Variants in RAB27B observed in about 807,000 individuals in gnomAD.
RAB27B encodes the protein ras-related protein Rab-27B.
A neutral mutation model predicts 24.6 loss-of-function variants in RAB27B; 15 were observed. That is an observed-to-expected ratio of 0.61 (90% CI 0.41 to 0.94). The LOEUF is 0.94. Ranked by LOEUF, RAB27B falls within the 40% of genes least tolerant of loss-of-function variation. The pLI, the probability that RAB27B is intolerant of heterozygous loss-of-function variation, is 0.00. For missense variants in RAB27B, 261 were observed against 266.8 expected, an observed-to-expected ratio of 0.98 and a Z score of 0.15; for synonymous variants, 105 against 92.5, an observed-to-expected ratio of 1.14 and a Z score of -0.78.
At chr18:54,741,435 G>A (rs1473379108) in intron 2 of RAB27B, among the ~76,000 whole-genome samples, 1 of 152,150 alleles carries the variant, frequency 6.6e-6, no homozygotes, top group Non-Finnish European at 1.5e-5. Context: ...GCCATGAGAA[G>A]CTACTAAGAA....
At chr18:54,734,628 A>T (rs866595447) in intron 2 of RAB27B, among the ~76,000 whole-genome samples, 1 of 152,194 alleles carries the variant, frequency 6.6e-6, no homozygotes, top group Non-Finnish European at 1.5e-5. Flanking sequence ...CTTTTTAAAA[A>T]GCACATAATT....
rs1423230144 is a variant in RAB27B at position 54,811,046 on chromosome 18, GA to G, written c.-19-66515del. 2.0e-5 allele frequency among the ~76,000 whole-genome samples: 3 copies of G among 151,862 alleles called. No individual in the cohort carries two copies. The East Asian group carries it at 5.8e-4, about 29-fold the overall frequency. ...TACCTGAAACGAATACATTTCCTATGAAAAAATATAGCCTAATATTATAATA... is the reference window on the plus strand; with the variant it reads ...TACCTGAAACGAATACATTTCCTATGAAAAATATAGCCTAATATTATAATA... On this transcript the variant is annotated intron_variant, in intron 2 of 4. Coordinates refer to the RAB27B transcript ENST00000586570.
chr18:54,834,467 T>A (rs996959224), intron 1 of RAB27B, among the ~76,000 whole-genome samples: 11 of 152,188 alleles, frequency 7.2e-5, no homozygotes, highest in Non-Finnish European at 1.6e-4. Flanking sequence ...GGTTGATTAT[T>A]TTAACATCCC....
At chr18:54,778,892 G>A (rs1400438967) in intron 2 of RAB27B, among the ~76,000 whole-genome samples, 1 of 151,124 alleles carries the variant, frequency 6.6e-6, no homozygotes, top group Non-Finnish European at 1.5e-5. Context: ...CCAGGCTGGA[G>A]CACAGTGGCG....
chr18:54,747,715 G>C (rs1446036313), intron 2 of RAB27B, among the ~76,000 whole-genome samples: 4 of 152,118 alleles, frequency 2.6e-5, no homozygotes, highest in African/African-American at 4.8e-5. Context: ...AAATATGCGT[G>C]GGTTTCAGAG....
At chr18:54,776,242 C>T (rs1483370955) in intron 2 of RAB27B, among the ~76,000 whole-genome samples, 1 of 152,224 alleles carries the variant, frequency 6.6e-6, no homozygotes, top group African/African-American at 2.4e-5. Context: ...GGCAGAGATG[C>T]CTTCCATCCC....
intron 2 of RAB27B, among the ~76,000 whole-genome samples, chr18:54,756,953 A>G (rs73959285): frequency 0.053 from 7,999 of 152,236 alleles, 269 homozygotes; most frequent in South Asian, 0.084. Context: ...AACCAAAGCT[A>G]TTCCACTTGG....
intron 1 of RAB27B, among the ~76,000 whole-genome samples, chr18:54,867,455 T>G (rs1486229770): frequency 6.8e-6 from 1 of 146,662 alleles, no homozygotes; most frequent in African/African-American, 2.5e-5. Context: ...TTTTTTTTTT[T>G]TTTTTTTCTG....
intron 1 of RAB27B, among the ~76,000 whole-genome samples, chr18:54,834,681 ATGTG>A (rs1555661319): frequency 3.3e-5 from 5 of 150,030 alleles, no homozygotes; most frequent in East Asian, 2.0e-4. Context: ...GTGTATATAT[ATGTG>A]TGTGTGTGTG....
At chr18:54,816,750 T>A (rs2145158306) in intron 2 of RAB27B, among the ~76,000 whole-genome samples, 1 of 152,278 alleles carries the variant, frequency 6.6e-6, no homozygotes, top group East Asian at 1.9e-4. Flanking sequence ...ATTAATGAGT[T>A]GTGGTGAGGC....
intron 2 of RAB27B, among the ~76,000 whole-genome samples, chr18:54,788,235 A>G (rs1909148889): frequency 6.6e-6 from 1 of 152,200 alleles, no homozygotes. Flanking sequence ...TATTTGTATG[A>G]GTAATTGCTA....
At chr18:54,856,061 G>C (rs1346537537) in intron 1 of RAB27B, among the ~76,000 whole-genome samples, 1 of 152,222 alleles carries the variant, frequency 6.6e-6, no homozygotes, top group Non-Finnish European at 1.5e-5. Flanking sequence ...GGAAAAGCAA[G>C]TGATAATGAA....
chr18:54,838,208 T>TA (rs1443291443), intron 1 of RAB27B, among the ~76,000 whole-genome samples: 1 of 152,144 alleles, frequency 6.6e-6, no homozygotes, highest in African/African-American at 2.4e-5. Context: ...CTTGATGTTC[T>TA]AAAAAAATTA....
intron 1 of RAB27B, among the ~76,000 whole-genome samples, chr18:54,868,286 A>G (rs1912321787): frequency 6.6e-6 from 1 of 152,082 alleles, no homozygotes; most frequent in Non-Finnish European, 1.5e-5. Context: ...CCCTCACTTT[A>G]GCTATCTCGC....
chr18:54,763,436 G>A (rs1908258540), intron 2 of RAB27B, among the ~76,000 whole-genome samples: 1 of 152,094 alleles, frequency 6.6e-6, no homozygotes, highest in African/African-American at 2.4e-5. Context: ...CCAAGTTGTT[G>A]CTTTTTGGAG....
At chr18:54,729,289 A>G (rs1437597875) in intron 2 of RAB27B, among the ~76,000 whole-genome samples, 1 of 152,190 alleles carries the variant, frequency 6.6e-6, no homozygotes, top group Non-Finnish European at 1.5e-5. Flanking sequence ...ACCTAGTAAG[A>G]ATTTCGAGAT....
At chr18:54,774,487 T>C (rs1908654794) in intron 2 of RAB27B, among the ~76,000 whole-genome samples, 1 of 152,232 alleles carries the variant, frequency 6.6e-6, no homozygotes, top group Non-Finnish European at 1.5e-5. Flanking sequence ...ACACAGAGCA[T>C]TTGACAGGCT....
intron 2 of RAB27B, among the ~76,000 whole-genome samples, chr18:54,794,098 T>C (rs1306592759): frequency 6.6e-6 from 1 of 152,224 alleles, no homozygotes; most frequent in Non-Finnish European, 1.5e-5. Context: ...CCTAGGTGTG[T>C]AAGAAGTTTG....
In RAB27B at chr18:54,888,032, T is replaced by C. The variant is rs1434902771; in HGVS notation, c.381T>C (p.Asp127=). 2 of 1,612,678 alleles carry C rather than the reference T, an allele frequency of 1.2e-6. No homozygotes were observed. Among genetic ancestry groups the C allele is most frequent in the Non-Finnish European group, 8.5e-7 (1 of 1,179,160 alleles). ...CAAATGCTTATTGTGAAAATCCAGATATAGTATTAATTGGCAACAAGGCAG... is the reference window on the plus strand; with the variant it reads ...CAAATGCTTATTGTGAAAATCCAGACATAGTATTAATTGGCAACAAGGCAG... ...LQANAYCENP[D]IVLIGNKADL... Residue 127 remains aspartate (D), a synonymous_variant, in exon 5 of 6, where the codon GAT becomes GAC. Transcript: ENST00000262094.
Sources: gnomAD v4.1 joint callset for allele counts (sites outside exome capture counted in the v4.1 genomes callset) on GRCh38, gnomAD v4.1.1 for gene constraint, MANE v1.5 for transcripts, NCBI Gene and HGNC (gene_info 2026-07-23, HGNC 2026-07-21) for gene names.